The following GNB5 variants were observed in gnomAD, a reference collection of about 807,000 sequenced individuals.
GNB5 encodes the protein G protein subunit beta 5, also known as guanine nucleotide-binding protein subunit beta-5.
A neutral mutation model predicts 55.3 loss-of-function variants in GNB5; 37 were observed. The ratio of observed to expected loss-of-function variants is 0.67; its 90% CI spans 0.51 to 0.88. GNB5 has a LOEUF of 0.88. GNB5 is among the 40% of genes least tolerant of loss of function. The pLI is 0.00. For synonymous variants in GNB5, 219 were observed against 198.5 expected (o/e 1.10, Z -0.87); for missense variants, 476 against 515.3 (o/e 0.92, Z 0.74).
chr15:52,130,362 C>T (rs770492146), intron 9 of GNB5, among the ~76,000 whole-genome samples: 6 of 152,256 alleles, frequency 3.9e-5, no homozygotes, highest in Non-Finnish European at 8.8e-5. Flanking sequence ...GAACATGGCC[C>T]ACTGAATCAG....
intron 3 of GNB5, among the ~76,000 whole-genome samples, chr15:52,158,304 T>C (rs2034259047): frequency 6.6e-6 from 1 of 152,206 alleles, no homozygotes; most frequent in South Asian, 2.1e-4. Context: ...GGGACAACTA[T>C]TCAAGCCTGG....
chr15:52,161,053 C>T (rs571681565), intron 3 of GNB5, among the ~76,000 whole-genome samples: 1 of 152,266 alleles, frequency 6.6e-6, no homozygotes, highest in South Asian at 2.1e-4. Flanking sequence ...GGGCACTGGG[C>T]TGAGTGCTTT....
intron 3 of GNB5, among the ~76,000 whole-genome samples, chr15:52,168,682 A>G (rs2034496296): frequency 1.3e-5 from 2 of 152,224 alleles, no homozygotes; most frequent in South Asian, 4.1e-4. Context: ...AGCAAAAGGA[A>G]CAAAGCTGGA....
intron 7 of GNB5, chr15:52,140,107 T>G (rs1341203764): frequency 1.1e-5 from 4 of 378,388 alleles, no homozygotes; most frequent in Non-Finnish European, 1.6e-5. Context: ...ACACTGCAAG[T>G]CCCAACATCC....
chr15:52,152,090 A>C (rs148471491), intron 4 of GNB5, among the ~76,000 whole-genome samples: 73 of 152,048 alleles, frequency 4.8e-4, no homozygotes, highest in African/African-American at 1.7e-3. Context: ...CTTAAAAAAA[A>C]AGCAAGTGCA....
rs547679294 is a variant in GNB5, at chr15:52,118,295, G to A, written c.*4462C>T. 1.9e-4 allele frequency: 29 copies of A among 152,206 alleles called. No homozygotes were observed. The East Asian group carries it at 2.1e-3, about 11-fold the overall frequency. The allele number at this position is 152,206 out of a possible 1,614,324, so 9.4% of individuals were successfully genotyped here. On this transcript the variant is annotated 3_prime_UTR_variant, in exon 13 of 13. Coordinates refer to ENST00000261837, the MANE Select transcript of GNB5 (RefSeq NM_016194.4). ...TCTCAAAGCAAGATCCAGGGCCCCC[G>A]AGGGTCCCTGAGACCCTTTCAGGGG... is the stretch of plus-strand genomic sequence containing the variant.
At chr15:52,175,829 T>C (rs977266396) in intron 3 of GNB5, among the ~76,000 whole-genome samples, 2 of 151,752 alleles carry the variant, frequency 1.3e-5, no homozygotes, top group Non-Finnish European at 1.5e-5. Flanking sequence ...GGTGGACGGA[T>C]CACAAGGTCA....
chr15:52,164,832 C>G (rs1202702450), intron 3 of GNB5, among the ~76,000 whole-genome samples: 1 of 151,946 alleles, frequency 6.6e-6, no homozygotes, highest in East Asian at 1.9e-4. Flanking sequence ...ATCTCTATAG[C>G]AAAGGCACAG....
chr15:52,176,571 T>C (rs1404228916), intron 3 of GNB5, among the ~76,000 whole-genome samples: 2 of 152,100 alleles, frequency 1.3e-5, no homozygotes, highest in African/African-American at 4.8e-5. Flanking sequence ...CAGGGTCAAC[T>C]ATGGGACCAA....
chr15:52,132,434 T>C, intron 9 of GNB5, among the ~76,000 whole-genome samples: 1 of 152,162 alleles, frequency 6.6e-6, no homozygotes, highest in Non-Finnish European at 1.5e-5. Context: ...ATTTCCATTC[T>C]TGTTCCCTAC....
intron 6 of GNB5, chr15:52,143,841 G>A (rs2033911925): frequency 6.6e-6 from 1 of 152,184 alleles, no homozygotes. Context: ...TTTTGGGAAA[G>A]GTCTGGGAAG....
chr15:52,142,247 T>C (rs1420550538), intron 6 of GNB5, among the ~76,000 whole-genome samples: 1 of 152,196 alleles, frequency 6.6e-6, no homozygotes, highest in African/African-American at 2.4e-5. Flanking sequence ...TTGTAATCAG[T>C]AATAATCTGT....
intron 6 of GNB5, among the ~76,000 whole-genome samples, chr15:52,142,188 A>G (rs1323150004): frequency 1.3e-5 from 2 of 152,200 alleles, no homozygotes; most frequent in Non-Finnish European, 2.9e-5. Flanking sequence ...AACTTTGATT[A>G]CTTGGTTAAG....
intron 1 of GNB5, among the ~76,000 whole-genome samples, chr15:52,190,075 T>A (rs991131765): frequency 1.3e-5 from 2 of 151,792 alleles, no homozygotes; most frequent in African/African-American, 2.4e-5. Flanking sequence ...AAATGATGGG[T>A]TTTAAAACAT....
intron 8 of GNB5, among the ~76,000 whole-genome samples, chr15:52,134,398 G>A (rs1596061529): frequency 6.6e-6 from 1 of 152,294 alleles, no homozygotes; most frequent in East Asian, 1.9e-4. Flanking sequence ...AGGAAGGCCC[G>A]CTGTGGGAGT....
At position 52,125,954 on chromosome 15, in the gene GNB5, G is replaced by C. The variant is rs2033413360; in HGVS notation, c.1003C>G (p.Leu335Val). 2.8e-6 allele frequency: 4 copies of C among 1,405,830 alleles called. No individual in the cohort carries two copies. Among genetic ancestry groups the C allele is most frequent in the Non-Finnish European group, 1.0e-6 (1 of 998,064 alleles). 87.1% of individuals were successfully genotyped at this position (1,405,830 alleles called of 1,614,324 possible). ...TTCTGAAATAAAATCTTACCACTGA[G>C]GGAGAAGTCCACGCTGGATGCTCCA... is the stretch of plus-strand genomic sequence containing the variant. ...IFGASSVDFS[L>V]SGRLLFAGYN... The change falls in exon 11 of 13, where the codon CTC becomes GTC. Residue 335 changes from leucine to valine, a missense_variant. Leu to Val is a conservative substitution (Grantham distance 32, BLOSUM62 1). Transcript: ENST00000261837.
rs753514063 is a variant in GNB5 at position 52,135,599 on chromosome 15, C to T, written c.771+14G>A. On this transcript the variant is annotated intron_variant, in intron 8 of 12. Transcript: ENST00000261837. Reference sequence around the variant, plus strand: ...GGACACAGGAGCCCTAGGGAATTTCCACTGGGTCTTTACCCCAGACACGAA... The same window carrying T: ...GGACACAGGAGCCCTAGGGAATTTCTACTGGGTCTTTACCCCAGACACGAA... The T allele has an allele frequency of 1.9e-6, 3 of 1,612,418 alleles. No homozygotes were observed. In the South Asian group the frequency reaches 3.3e-5, roughly 18 times the overall value.
intron 6 of GNB5, among the ~76,000 whole-genome samples, chr15:52,142,537 TTGGGGCCTCTTC>T (rs2141202323): frequency 6.6e-6 from 1 of 151,606 alleles, no homozygotes; most frequent in African/African-American, 2.4e-5. Flanking sequence ...TACCCCAAAT[TTGGGGCCTCTTC>T]AAGCCAGCTG....
At chr15:52,142,627 G>C (rs756986613) in intron 6 of GNB5, among the ~76,000 whole-genome samples, 4 of 151,722 alleles carry the variant, frequency 2.6e-5, no homozygotes, top group Non-Finnish European at 5.9e-5. Flanking sequence ...TCTAGAACAA[G>C]AAAATATCCT....
Sources: gnomAD v4.1 joint callset for allele counts (sites outside exome capture counted in the v4.1 genomes callset) on GRCh38, gnomAD v4.1.1 for gene constraint, MANE v1.5 for transcripts, NCBI Gene and HGNC (gene_info 2026-07-23, HGNC 2026-07-21) for gene names.